Variants in PACSIN2 observed in about 807,000 individuals in gnomAD.
PACSIN2 encodes protein kinase C and casein kinase substrate in neurons 2, also known as protein kinase C and casein kinase substrate in neurons protein 2.
In PACSIN2, 25 loss-of-function variants were observed where a neutral mutation model predicts 63.8. The ratio of observed to expected loss-of-function variants is 0.39; its 90% CI spans 0.29 to 0.55. The LOEUF (loss-of-function observed/expected upper bound fraction) is 0.55, where lower values mean the gene tolerates loss of function less well. PACSIN2 is among the 20% of genes least tolerant of loss of function. The pLI is 0.62. For synonymous variants in PACSIN2, 255 were observed against 256.2 expected (o/e 1.00, Z 0.05); for missense variants, 518 against 646.9 (o/e 0.80, Z 2.16).
chr22:42,875,647 T>C (rs1157100120), intron 10 of PACSIN2, among the ~76,000 whole-genome samples: 3 of 152,120 alleles, frequency 2.0e-5, no homozygotes, highest in Non-Finnish European at 4.4e-5. Flanking sequence ...GTGATTCTCC[T>C]GCCGCAGCCT....
rs1319579801 is a variant in PACSIN2, at chr22:42,978,706, A to G, written c.-78+36315T>C. 7.9e-5 allele frequency among the ~76,000 whole-genome samples: 12 copies of G among 152,328 alleles called. No homozygotes were observed. The East Asian group carries it at 2.3e-3, about 29-fold the overall frequency. On this transcript the variant is annotated intron_variant, in intron 1 of 10. Coordinates refer to ENST00000263246, the MANE Select transcript of PACSIN2 (RefSeq NM_001184970.3). ...GGCCTGCAGACGTTCAGGTGGACTC[A>G]GATCTGAGACATATTCAAAAGTATG...
chr22:42,981,483 C>T (rs866960052), intron 1 of PACSIN2, among the ~76,000 whole-genome samples: 3 of 18,276 alleles, frequency 1.6e-4, no homozygotes, highest in African/African-American at 2.9e-4. Flanking sequence ...AGGGAGGCGG[C>T]GGGGGGGGTC....
At chr22:42,882,927 C>T (rs1929188963) in intron 6 of PACSIN2, among the ~76,000 whole-genome samples, 1 of 152,184 alleles carries the variant, frequency 6.6e-6, no homozygotes, top group Admixed American at 6.5e-5. Flanking sequence ...TTTCCTCCTC[C>T]GTTGAGTGGG....
chr22:43,013,307 T>C (rs909562233), intron 1 of PACSIN2, among the ~76,000 whole-genome samples: 3 of 152,238 alleles, frequency 2.0e-5, no homozygotes, highest in South Asian at 2.1e-4. Flanking sequence ...ACCAGCCTAA[T>C]GGCCACTTTC....
intron 1 of PACSIN2, among the ~76,000 whole-genome samples, chr22:42,931,193 C>T (rs551626410): frequency 1.3e-5 from 2 of 152,392 alleles, no homozygotes; most frequent in African/African-American, 4.8e-5. Flanking sequence ...CAGCACCTGG[C>T]TTACACGAGG....
At chr22:42,883,390 G>T (rs978058201) in intron 6 of PACSIN2, among the ~76,000 whole-genome samples, 11 of 152,330 alleles carry the variant, frequency 7.2e-5, no homozygotes, top group Admixed American at 1.3e-4. Context: ...GAGACAAACG[G>T]AATGTGTCTC....
intron 1 of PACSIN2, among the ~76,000 whole-genome samples, chr22:42,987,864 G>T (rs1414990811): frequency 3.3e-5 from 5 of 152,058 alleles, no homozygotes; most frequent in Admixed American, 6.5e-5. Flanking sequence ...TTCCAGGCTG[G>T]ACGTAGTGGT....
At chr22:43,004,812 G>A (rs926062769) in intron 1 of PACSIN2, among the ~76,000 whole-genome samples, 6 of 152,234 alleles carry the variant, frequency 3.9e-5, no homozygotes, top group Admixed American at 3.9e-4. Context: ...GCCTCCCTGG[G>A]CGCTCTGGGC....
intron 1 of PACSIN2, among the ~76,000 whole-genome samples, chr22:42,991,472 C>T (rs1006762100): frequency 1.3e-5 from 2 of 152,228 alleles, no homozygotes; most frequent in Non-Finnish European, 2.9e-5. Context: ...CCTCTAGTCA[C>T]CTCTGGAAAT....
chr22:42,901,200 AT>A (rs1022404198), intron 2 of PACSIN2, among the ~76,000 whole-genome samples: 22 of 152,100 alleles, frequency 1.4e-4, no homozygotes, highest in African/African-American at 5.3e-4. Context: ...TGAGCCAGCT[AT>A]CCCAAGCTGA....
chr22:42,998,770 C>A (rs1923574220), intron 1 of PACSIN2, among the ~76,000 whole-genome samples: 1 of 152,202 alleles, frequency 6.6e-6, no homozygotes, highest in Non-Finnish European at 1.5e-5. Context: ...CAAATGTTGC[C>A]TTTCAGCCCA....
chr22:42,901,415 A>T (rs5996246), intron 2 of PACSIN2, among the ~76,000 whole-genome samples: 98,856 of 152,138 alleles, frequency 0.65, 33,875 homozygotes, highest in African/African-American at 0.86. Context: ...GCTTTCGATA[A>T]CTTGTTCAAA....
chr22:42,972,557 T>C (rs1415526486), intron 1 of PACSIN2, among the ~76,000 whole-genome samples: 1 of 152,064 alleles, frequency 6.6e-6, no homozygotes, highest in African/African-American at 2.4e-5. Flanking sequence ...AGAAAAATAG[T>C]TCCTTATACA....
intron 1 of PACSIN2, among the ~76,000 whole-genome samples, chr22:42,958,003 A>G (rs1042211190): frequency 6.6e-6 from 1 of 152,182 alleles, no homozygotes; most frequent in African/African-American, 2.4e-5. Flanking sequence ...AATTCACTAT[A>G]CATCTATGCA....
intron 1 of PACSIN2, among the ~76,000 whole-genome samples, chr22:42,987,601 G>A (rs1055337800): frequency 2.3e-4 from 33 of 143,160 alleles, no homozygotes; most frequent in Middle Eastern, 3.6e-3. Flanking sequence ...GTGCAATCTC[G>A]GCTCACTGCA....
intron 2 of PACSIN2, among the ~76,000 whole-genome samples, chr22:42,903,506 T>C (rs1308541893): frequency 6.6e-6 from 1 of 152,180 alleles, no homozygotes; most frequent in East Asian, 1.9e-4. Context: ...CAAACTGCAA[T>C]TTCCACATCC....
At chr22:42,959,162 T>C (rs1934034916) in intron 1 of PACSIN2, among the ~76,000 whole-genome samples, 1 of 152,104 alleles carries the variant, frequency 6.6e-6, no homozygotes, top group Admixed American at 6.5e-5. Flanking sequence ...CCTGGAGCGG[T>C]GGCAGGTGAT....
At chr22:42,909,977 A>C (rs747996026) in intron 2 of PACSIN2, among the ~76,000 whole-genome samples, 1 of 152,100 alleles carries the variant, frequency 6.6e-6, no homozygotes, top group African/African-American at 2.4e-5. Context: ...AAAACACTTA[A>C]CGTTTATTCA....
chr22:42,987,527 A>T (rs1184484661), intron 1 of PACSIN2, among the ~76,000 whole-genome samples: 1 of 34,786 alleles, frequency 2.9e-5, no homozygotes, highest in South Asian at 1.2e-3. Context: ...GGGCACATTC[A>T]TTCTTTTTTT....
Sources: allele counts gnomAD v4.1 joint callset (sites outside exome capture counted in the v4.1 genomes callset), GRCh38; gene constraint gnomAD v4.1.1; transcripts MANE v1.5; gene names NCBI Gene and HGNC (gene_info 2026-07-23, HGNC 2026-07-21).